Variants in PINX1 observed in about 807,000 individuals in gnomAD.
PINX1 encodes PIN2/TERF1-interacting telomerase inhibitor 1.
A neutral mutation model predicts 25.4 loss-of-function variants in PINX1; 34 were observed. The ratio of observed to expected loss-of-function variants is 1.34; its 90% CI spans 1.02 to 1.78. The LOEUF (loss-of-function observed/expected upper bound fraction) is 1.78. PINX1 is among the 40% of genes most tolerant of loss of function. The pLI is 0.00. For missense variants in PINX1, 592 were observed against 404.9 expected, an observed-to-expected ratio of 1.46 and a Z score of -3.97; for synonymous variants, 197 against 147.7, an observed-to-expected ratio of 1.33 and a Z score of -2.42.
intron 4 of PINX1, among the ~76,000 whole-genome samples, chr8:10,830,337 G>A (rs538841368): frequency 6.6e-6 from 1 of 152,204 alleles, no homozygotes; most frequent in African/African-American, 2.4e-5. Flanking sequence ...TTCCACACAC[G>A]TCACTGCAAT....
chr8:10,816,784 C>G (rs1221894918), intron 6 of PINX1, among the ~76,000 whole-genome samples: 1 of 152,180 alleles, frequency 6.6e-6, no homozygotes, highest in Admixed American at 6.5e-5. Context: ...TTAACTTCGG[C>G]AGGACTGCTG....
intron 4 of PINX1, among the ~76,000 whole-genome samples, chr8:10,827,000 A>G (rs1798072537): frequency 6.6e-6 from 1 of 152,194 alleles, no homozygotes; most frequent in Admixed American, 6.5e-5. Context: ...GAGACCAAAA[A>G]AAGATGATGA....
At chr8:10,832,803 T>G (rs1798262038) in intron 3 of PINX1, 89 bp downstream of exon 3, 2 of 716,860 alleles carry the variant, frequency 2.8e-6, no homozygotes, top group Non-Finnish European at 4.9e-6. Context: ...GCACCAATGG[T>G]CAGAAGCAGA....
chr8:10,798,261 C>T (rs1003321434), intron 6 of PINX1, among the ~76,000 whole-genome samples: 3 of 152,344 alleles, frequency 2.0e-5, no homozygotes, highest in South Asian at 2.1e-4. Flanking sequence ...TGTATGCATA[C>T]TCACATGTGT....
intron 6 of PINX1, among the ~76,000 whole-genome samples, chr8:10,779,130 T>G (rs1183056686): frequency 1.3e-5 from 2 of 152,252 alleles, no homozygotes; most frequent in Non-Finnish European, 2.9e-5. Context: ...TTTCTTTGTT[T>G]ACTTTTAAGA....
intron 5 of PINX1, among the ~76,000 whole-genome samples, chr8:10,824,967 C>G (rs1312209771): frequency 6.6e-6 from 1 of 152,144 alleles, no homozygotes; most frequent in Non-Finnish European, 1.5e-5. Flanking sequence ...GGAGAAGAAC[C>G]CCAGTCAGAA....
At position 10,832,881 on chromosome 8, in the gene PINX1, C is replaced by CAAGG; in HGVS notation, c.222+10_222+11insCCTT. On this transcript the variant is annotated intron_variant, in intron 3 of 6. Coordinates refer to ENST00000314787, the MANE Select transcript of PINX1 (RefSeq NM_017884.6). ...TGCAAAGACACCCAGGAGGCACACA[C>CAAGG]TGCTGCTCACTTCATTATTGATGGT... 1 of 1,561,688 alleles carries CAAGG rather than the reference C, an allele frequency of 6.4e-7. No homozygotes were observed. Among genetic ancestry groups the CAAGG allele is most frequent in the Non-Finnish European group, 8.8e-7 (1 of 1,133,710 alleles).
At chr8:10,825,438 G>T (rs1482128817) in intron 5 of PINX1, 2 of 534,698 alleles carry the variant, frequency 3.7e-6, no homozygotes, top group Admixed American at 1.9e-5. Context: ...TCTAATTCAT[G>T]ATACTGTTCT....
chr8:10,789,891 G>T (rs997219197), intron 6 of PINX1, among the ~76,000 whole-genome samples: 1 of 152,072 alleles, frequency 6.6e-6, no homozygotes, highest in Non-Finnish European at 1.5e-5. Flanking sequence ...ACAGGTCATG[G>T]TTTCTCTAGA....
chr8:10,819,669 G>C (rs1285511547), intron 6 of PINX1, among the ~76,000 whole-genome samples: 1 of 152,150 alleles, frequency 6.6e-6, no homozygotes, highest in Non-Finnish European at 1.5e-5. Context: ...TTTTCTTCTA[G>C]TTGTAAGGCA....
chr8:10,836,325 CACTTT>C (rs1388156210), intron 1 of PINX1, among the ~76,000 whole-genome samples: 5 of 151,740 alleles, frequency 3.3e-5, no homozygotes, highest in African/African-American at 7.3e-5. Flanking sequence ...TCTAAATTAC[CACTTT>C]ACTTATCTTG....
rs139190104 is a variant in PINX1 at position 10,781,103 on chromosome 8, A to G, written c.472-15187T>C. ...AGCATGAAGAAGACACAATGGGGAA[A>G]GGATAGTCTCTTTAATAAATGGTGC... is the stretch of plus-strand genomic sequence containing the variant. On this transcript the variant is annotated intron_variant, in intron 6 of 6. Transcript: ENST00000314787. Among the ~76,000 whole-genome samples the G allele has an allele frequency of 5.6e-4, 85 of 152,358 alleles. 1 individual carries two copies. The East Asian group carries it at 0.016, about 29-fold the overall frequency.
intron 6 of PINX1, among the ~76,000 whole-genome samples, chr8:10,819,255 T>C (rs1368405841): frequency 1.3e-5 from 2 of 152,170 alleles, no homozygotes; most frequent in African/African-American, 4.8e-5. Flanking sequence ...CCCTAAAAAT[T>C]ATTACTATTA....
intron 6 of PINX1, among the ~76,000 whole-genome samples, chr8:10,792,210 G>C (rs1026970379): frequency 6.6e-6 from 1 of 152,044 alleles, no homozygotes; most frequent in African/African-American, 2.4e-5. Context: ...GCGCTGGATG[G>C]GCCTGCAGCT....
intron 6 of PINX1, among the ~76,000 whole-genome samples, chr8:10,775,424 T>TG (rs1563203271): frequency 7.2e-6 from 1 of 138,768 alleles, no homozygotes; most frequent in Non-Finnish European, 1.5e-5. Context: ...TTTTTTTTTT[T>TG]TTTTTTTTTT....
intron 6 of PINX1, 102 bp downstream of exon 6, chr8:10,820,091 G>C (rs2277130): frequency 0.56 from 433,511 of 769,660 alleles, 128,438 homozygotes; most frequent in African/African-American, 0.77. Context: ...GTTTTGGAAA[G>C]TTTGTCAGAA....
Position 10,820,216 on chromosome 8 carries a change from T to C in PINX1, c.448A>G (p.Arg150Gly), listed in dbSNP as rs199620938. 9.9e-6 allele frequency: 16 copies of C among 1,611,730 alleles called. No individual in the cohort carries two copies. The highest frequency in any genetic ancestry group is 1.3e-5 in the African/African-American group (1 of 74,848). ...KTDLDCIFGK[R>G]QSKKTPEGDA... ...ACCTCGGGAGTCTTCTTACTCTGTC[T>C]TTTCCCAAAAATGCAGTCAAGATCT... Residue 150 changes from arginine (R) to glycine (G), a missense_variant, in exon 6 of 7, where the codon AGA (arginine) becomes GGA (glycine). Physicochemically the swap from Arg to Gly is moderately radical, Grantham distance 125 (BLOSUM62 -2). Coordinates refer to ENST00000314787, the MANE Select transcript of PINX1 (RefSeq NM_017884.6).
At chr8:10,828,015 C>A (rs967266367) in intron 4 of PINX1, among the ~76,000 whole-genome samples, 2 of 151,944 alleles carry the variant, frequency 1.3e-5, no homozygotes, top group Non-Finnish European at 2.9e-5. Flanking sequence ...GAAACAAGCA[C>A]GTGTCCATTC....
At chr8:10,769,314 T>C (rs1043714565) in intron 6 of PINX1, among the ~76,000 whole-genome samples, 2 of 152,222 alleles carry the variant, frequency 1.3e-5, no homozygotes, top group African/African-American at 4.8e-5. Context: ...GCCTAGTCTG[T>C]TCACAGCAAG....
Sources: gnomAD v4.1 joint callset for allele counts (sites outside exome capture counted in the v4.1 genomes callset) on GRCh38, gnomAD v4.1.1 for gene constraint, MANE v1.5 for transcripts, NCBI Gene and HGNC (gene_info 2026-07-23, HGNC 2026-07-21) for gene names.